The following GDI2 variants were observed in gnomAD, a reference collection of about 807,000 sequenced individuals.
GDI2 encodes GDP dissociation inhibitor 2, also known as rab GDP dissociation inhibitor beta.
A neutral mutation model predicts 54.2 loss-of-function variants in GDI2; 22 were observed. That is an observed-to-expected ratio of 0.41 (90% CI 0.29 to 0.58). The LOEUF is 0.58. Ranked by LOEUF, GDI2 falls within the 20% of genes least tolerant of loss-of-function variation. The pLI is 0.35. For missense variants in GDI2, 422 were observed against 546.0 expected (o/e 0.77, Z 2.26); for synonymous variants, 177 against 182.1 (o/e 0.97, Z 0.23).
intron 6 of GDI2, among the ~76,000 whole-genome samples, chr10:5,784,249 C>T (rs1840824149): frequency 6.6e-6 from 1 of 152,186 alleles, no homozygotes; most frequent in Non-Finnish European, 1.5e-5. Flanking sequence ...TTTTGCATGT[C>T]TCTAAGTGTG....
At chr10:5,784,194 C>A (rs1588974988) in intron 6 of GDI2, among the ~76,000 whole-genome samples, 1 of 122,720 alleles carries the variant, frequency 8.1e-6, no homozygotes, top group South Asian at 2.5e-4. Flanking sequence ...TCTGAAATTT[C>A]TTTCTTCTAC....
chr10:5,791,307 A>G (rs1481770540), intron 4 of GDI2, among the ~76,000 whole-genome samples: 1 of 151,936 alleles, frequency 6.6e-6, no homozygotes, highest in Non-Finnish European at 1.5e-5. Flanking sequence ...AAATAAATAC[A>G]TAAAATAATA....
In GDI2 at chr10:5,766,201, A is replaced by G; in HGVS notation, c.1191+40T>C. Reference sequence around the variant, plus strand: ...TTAAGACCATGGAGGGATGTCTTCCAGTGAAACCTGCCCATATCCTTTCAC... The same window carrying G: ...TTAAGACCATGGAGGGATGTCTTCCGGTGAAACCTGCCCATATCCTTTCAC... On this transcript the variant is annotated intron_variant, in intron 10 of 10. Coordinates refer to ENST00000380191, the MANE Select transcript of GDI2 (RefSeq NM_001494.4). This position sits in a 1 kb window ranked among gnomAD's most constrained non-coding sequence, Gnocchi z 5.8. 2 of 1,610,914 alleles carry G rather than the reference A, an allele frequency of 1.2e-6. No homozygotes were observed. The highest frequency in any genetic ancestry group is 1.7e-6 in the Non-Finnish European group (2 of 1,176,976).
In GDI2 at chr10:5,781,427, A is replaced by C. The variant is rs1840751652; in HGVS notation, c.719+3715T>G. Among the ~76,000 whole-genome samples, 3 of 151,844 alleles carry C rather than the reference A, an allele frequency of 2.0e-5. No homozygotes were observed. The South Asian group carries it at 6.2e-4, about 31-fold the overall frequency. On this transcript the variant is annotated intron_variant, in intron 6 of 10. Transcript: ENST00000380191. ...CGGATCATGAAGTCAGCAGATCGAC[A>C]CCATCCCGGCTAACAGTGAAACCCC...
At chr10:5,780,343 A>T (rs1198131272) in intron 6 of GDI2, among the ~76,000 whole-genome samples, 1 of 152,022 alleles carries the variant, frequency 6.6e-6, no homozygotes, top group African/African-American at 2.4e-5. Flanking sequence ...AATATTTACT[A>T]GATTCCCCGT....
In GDI2 at chr10:5,790,428, G is replaced by A. The variant is rs528544789; in HGVS notation, c.389-4378C>T. 6.6e-5 allele frequency among the ~76,000 whole-genome samples: 10 copies of A among 152,256 alleles called. No homozygotes were observed. In the South Asian group the frequency reaches 2.1e-3, roughly 32 times the overall value. ...GGAGAACGAGGCAGGTGGATCACCT[G>A]AAATCAGAAGTTCAAGACCAGCCTG... On this transcript the variant is annotated intron_variant, in intron 4 of 10. Transcript: ENST00000380191.
chr10:5,800,944 ATTTT>A (rs571968017), intron 1 of GDI2, among the ~76,000 whole-genome samples: 5 of 147,702 alleles, frequency 3.4e-5, no homozygotes, highest in African/African-American at 7.4e-5. Context: ...TCACCTTTTA[ATTTT>A]TTTTTTTTAT....
chr10:5,808,866 G>A (rs551933975), intron 1 of GDI2, among the ~76,000 whole-genome samples: 54 of 152,118 alleles, frequency 3.5e-4, no homozygotes, highest in African/African-American at 1.3e-3. Context: ...CATTTCAATG[G>A]CAAGTATCTT....
intron 1 of GDI2, among the ~76,000 whole-genome samples, chr10:5,812,198 A>G (rs1028125468): frequency 8.4e-5 from 11 of 130,276 alleles, no homozygotes; most frequent in Non-Finnish European, 1.7e-5. Flanking sequence ...TTGCAAGATG[A>G]ACATTTAAAA....
At chr10:5,799,533 T>C (rs1220943109) in intron 2 of GDI2, among the ~76,000 whole-genome samples, 1 of 151,992 alleles carries the variant, frequency 6.6e-6, no homozygotes, top group Admixed American at 6.6e-5. Context: ...ACGCCTTTAA[T>C]CCCAGCTACT....
intron 1 of GDI2, among the ~76,000 whole-genome samples, 172 bp downstream of exon 1, chr10:5,813,042 G>C (rs1367512890): frequency 1.3e-5 from 2 of 152,090 alleles, no homozygotes; most frequent in Non-Finnish European, 2.9e-5. Context: ...CTCGCCCCGG[G>C]ACGCGGGGCG....
In GDI2 at chr10:5,810,523, G is replaced by A. The variant is rs952455576; in HGVS notation, c.45+2691C>T. 1.2e-4 allele frequency among the ~76,000 whole-genome samples: 19 copies of A among 152,192 alleles called. 1 individual carries two copies. The East Asian group carries it at 1.7e-3, about 14-fold the overall frequency. ...AAAAATATGAAGAGTAAACTGAAGAGCTCAAAAAGCATAGCAGCCTGAGAG... is the reference window on the plus strand; with the variant it reads ...AAAAATATGAAGAGTAAACTGAAGAACTCAAAAAGCATAGCAGCCTGAGAG... On this transcript the variant is annotated intron_variant, in intron 1 of 10. Coordinates refer to ENST00000380191, the MANE Select transcript of GDI2 (RefSeq NM_001494.4).
intron 4 of GDI2, 91 bp from the exon 5 acceptor site, chr10:5,786,141 A>G: frequency 1.3e-6 from 1 of 755,770 alleles, no homozygotes; most frequent in Non-Finnish European, 2.2e-6. Context: ...ATGCCTTGTT[A>G]TCAACTGCGG....
At chr10:5,802,476 G>C (rs1235266258) in intron 1 of GDI2, among the ~76,000 whole-genome samples, 2 of 151,990 alleles carry the variant, frequency 1.3e-5, no homozygotes, top group Non-Finnish European at 2.9e-5. Flanking sequence ...GCGCATGCCT[G>C]TAATCCCAGC....
rs533312902 is a variant in GDI2, at chr10:5,768,336, G to A, written c.868C>T (p.Arg290Trp). 1.6e-5 allele frequency: 26 copies of A among 1,613,144 alleles called. No homozygotes were observed. The highest frequency in any genetic ancestry group is 4.4e-5 in the South Asian group (4 of 91,070). The change falls in exon 8 of 11, where the codon CGG (arginine) becomes TGG (tryptophan). Residue 290 changes from arginine to tryptophan, a missense_variant. Transcript: ENST00000380191. The surrounding 1 kb of genome is among the most constrained non-coding windows in gnomAD (Gnocchi z 4.4). ...ATCACCTGGCCCACTTTTTCTACCC[G>A]ATCTTTTACGTAGCTGGGGTCACAG... is the stretch of plus-strand genomic sequence containing the variant. Reference protein sequence around the residue: ...LICDPSYVKDRVEKVGQVIRV... With the variant: ...LICDPSYVKDWVEKVGQVIRV...
At chr10:5,788,276 G>A (rs1343438837) in intron 4 of GDI2, among the ~76,000 whole-genome samples, 1 of 151,860 alleles carries the variant, frequency 6.6e-6, no homozygotes, top group East Asian at 1.9e-4. Flanking sequence ...TGGAATCACA[G>A]GTGTGAGCCA....
At chr10:5,793,882 G>T (rs1588981533) in intron 4 of GDI2, among the ~76,000 whole-genome samples, 1 of 152,008 alleles carries the variant, frequency 6.6e-6, no homozygotes, top group South Asian at 2.1e-4. Context: ...ATCACTCCAA[G>T]GCTGGGCGCG....
At chr10:5,812,878 G>C (rs746044526) in intron 1 of GDI2, among the ~76,000 whole-genome samples, 3 of 152,220 alleles carry the variant, frequency 2.0e-5, no homozygotes, top group Non-Finnish European at 4.4e-5. Flanking sequence ...GGCCCAAACC[G>C]GGGAGCGGGA....
intron 8 of GDI2, among the ~76,000 whole-genome samples, chr10:5,767,247 A>C (rs1208572698): frequency 6.6e-6 from 1 of 151,304 alleles, no homozygotes; most frequent in Non-Finnish European, 1.5e-5. Flanking sequence ...GCAAGGACCC[A>C]GGACCCGCCT....
Sources: gnomAD v4.1 joint callset for allele counts (sites outside exome capture counted in the v4.1 genomes callset) on GRCh38, gnomAD v4.1.1 for gene constraint, Gnocchi (gnomAD v3.1) non-coding constraint, MANE v1.5 for transcripts, NCBI Gene and HGNC (gene_info 2026-07-23, HGNC 2026-07-21) for gene names.